LRFN2: variants seen among roughly 807,000 people sequenced by gnomAD.
The protein encoded by LRFN2 is leucine rich repeat and fibronectin type III domain containing 2.
LRFN2 carries 18 observed loss-of-function variants against 37.3 expected under a neutral mutation model. The ratio of observed to expected loss-of-function variants is 0.48; its 90% CI spans 0.33 to 0.72. The LOEUF (loss-of-function observed/expected upper bound fraction) is 0.72. Among genes scored for constraint, LRFN2 ranks in the 30% least tolerant of loss-of-function variants. LRFN2 has a pLI of 0.02. For missense variants in LRFN2, 1,006 were observed against 1,060.7 expected (o/e 0.95, Z 0.72); for synonymous variants, 556 against 466.6 (o/e 1.19, Z -2.47).
rs1262167542 is a variant in LRFN2, at chr6:40,453,765, T to A, written c.-18-20634A>T. Reference sequence around the variant, plus strand: ...GTTTTTAATTTGCTGAGGGCATGTTTTGTGCCCAAGGATCAGTAAGTCACT... The same window carrying A: ...GTTTTTAATTTGCTGAGGGCATGTTATGTGCCCAAGGATCAGTAAGTCACT... On this transcript the variant is annotated intron_variant, in intron 1 of 2. Transcript: ENST00000338305. Among the ~76,000 whole-genome samples, 6 of 152,302 alleles carry A rather than the reference T, an allele frequency of 3.9e-5. No homozygotes were observed. In the South Asian group the frequency reaches 8.3e-4, roughly 21 times the overall value.
At chr6:40,446,587 G>A (rs1280508773) in intron 1 of LRFN2, among the ~76,000 whole-genome samples, 1 of 152,196 alleles carries the variant, frequency 6.6e-6, no homozygotes, top group Non-Finnish European at 1.5e-5. Flanking sequence ...ATCATTAGCG[G>A]CGATATGTAT....
intron 1 of LRFN2, among the ~76,000 whole-genome samples, chr6:40,509,557 G>A (rs773014568): frequency 3.2e-4 from 48 of 151,954 alleles, no homozygotes; most frequent in Non-Finnish European, 4.3e-4. Context: ...ACTGGGCTCC[G>A]CAGGTAAGGG....
chr6:40,462,813 C>T (rs572777300), intron 1 of LRFN2, among the ~76,000 whole-genome samples: 15 of 152,316 alleles, frequency 9.8e-5, no homozygotes, highest in African/African-American at 3.4e-4. Flanking sequence ...TGCACATGTC[C>T]ACTGTTACCT....
chr6:40,538,088 C>A (rs1766485378), intron 1 of LRFN2, among the ~76,000 whole-genome samples: 1 of 152,206 alleles, frequency 6.6e-6, no homozygotes, highest in Non-Finnish European at 1.5e-5. Flanking sequence ...AAGGCAGAGG[C>A]TGCCTCTTCC....
chr6:40,401,103 AC>A (rs1160962673), intron 2 of LRFN2, among the ~76,000 whole-genome samples: 1 of 151,296 alleles, frequency 6.6e-6, no homozygotes, highest in African/African-American at 2.4e-5. Flanking sequence ...AACAGAGTTT[AC>A]CCCCCAGAAA....
chr6:40,509,970 G>C (rs1468543953), intron 1 of LRFN2, among the ~76,000 whole-genome samples: 2 of 150,642 alleles, frequency 1.3e-5, no homozygotes, highest in African/African-American at 4.9e-5. Context: ...ATGCATGTGG[G>C]TATGCCACGG....
At chr6:40,475,781 G>A (rs1382213304) in intron 1 of LRFN2, among the ~76,000 whole-genome samples, 1 of 152,186 alleles carries the variant, frequency 6.6e-6, no homozygotes, top group South Asian at 2.1e-4. Context: ...ATGCTCCTGG[G>A]ATGTGCTGCC....
At chr6:40,399,864 GA>G (rs753749306) in intron 2 of LRFN2, among the ~76,000 whole-genome samples, 3 of 151,784 alleles carry the variant, frequency 2.0e-5, no homozygotes, top group Non-Finnish European at 4.4e-5. Flanking sequence ...TGCACTTTGG[GA>G]AAAGATGATC....
At chr6:40,434,878 A>T (rs1763606324) in intron 1 of LRFN2, among the ~76,000 whole-genome samples, 1 of 151,682 alleles carries the variant, frequency 6.6e-6, no homozygotes, top group South Asian at 2.1e-4. Context: ...TTCTCTCACA[A>T]TAGCTCTGTA....
chr6:40,584,071 A>T (rs888877596), intron 1 of LRFN2, among the ~76,000 whole-genome samples: 2 of 152,198 alleles, frequency 1.3e-5, no homozygotes, highest in African/African-American at 4.8e-5. Flanking sequence ...ATCAATTCTC[A>T]AAGTTTTCTG....
At chr6:40,476,194 A>T (rs570042648) in intron 1 of LRFN2, among the ~76,000 whole-genome samples, 2 of 152,128 alleles carry the variant, frequency 1.3e-5, no homozygotes, top group Admixed American at 6.5e-5. Flanking sequence ...CCATGCCAGA[A>T]CCTGGATTAT....
Position 40,406,349 on chromosome 6 carries a change from G to A in LRFN2, c.1401-13437C>T, listed in dbSNP as rs537848000. Among the ~76,000 whole-genome samples the A allele has an allele frequency of 2.6e-5, 4 of 152,328 alleles. No homozygotes were observed. In the South Asian group the frequency reaches 8.3e-4, roughly 32 times the overall value. On this transcript the variant is annotated intron_variant, in intron 2 of 2. Transcript: ENST00000338305. The stretch of plus-strand genomic sequence containing the variant: ...CTGGATACTGGCTCATGGATCAGGT[G>A]CACAGCCAGCTCTGCAGGCCAGCCG...
At chr6:40,506,644 T>C (rs1765549661) in intron 1 of LRFN2, among the ~76,000 whole-genome samples, 1 of 152,136 alleles carries the variant, frequency 6.6e-6, no homozygotes, top group African/African-American at 2.4e-5. Context: ...AATCAGACTG[T>C]GTGGTGGTTT....
chr6:40,568,106 T>A (rs1165583060), intron 1 of LRFN2, among the ~76,000 whole-genome samples: 1 of 152,200 alleles, frequency 6.6e-6, no homozygotes, highest in Non-Finnish European at 1.5e-5. Flanking sequence ...GGGTTTTACC[T>A]GTGTGAATTG....
At chr6:40,553,410 A>G (rs772273392) in intron 1 of LRFN2, among the ~76,000 whole-genome samples, 1 of 152,230 alleles carries the variant, frequency 6.6e-6, no homozygotes, top group Non-Finnish European at 1.5e-5. Context: ...ACGTCAAAGG[A>G]AAGCTGGATA....
chr6:40,499,031 C>A (rs1406265568), intron 1 of LRFN2, among the ~76,000 whole-genome samples: 4 of 152,202 alleles, frequency 2.6e-5, no homozygotes, highest in African/African-American at 9.6e-5. Context: ...CACACGATTT[C>A]AAACACAAAT....
chr6:40,489,864 G>T (rs1315894155), intron 1 of LRFN2, among the ~76,000 whole-genome samples: 1 of 152,240 alleles, frequency 6.6e-6, no homozygotes, highest in African/African-American at 2.4e-5. Context: ...CTTACCCGCT[G>T]CTGCACTCCG....
intron 1 of LRFN2, among the ~76,000 whole-genome samples, chr6:40,446,340 G>A (rs1384004678): frequency 6.6e-6 from 1 of 152,212 alleles, no homozygotes; most frequent in Non-Finnish European, 1.5e-5. Context: ...AGGCAAAAGT[G>A]GCTAGGGCCC....
rs752457662 is a variant in LRFN2 at position 40,392,961 on chromosome 6, A to G, written c.1401-49T>C. The G allele has an allele frequency of 2.1e-5, 33 of 1,538,346 alleles. No individual in the cohort carries two copies. The highest frequency in any genetic ancestry group is 2.5e-5 in the Non-Finnish European group (29 of 1,137,538). On this transcript the variant is annotated intron_variant, in intron 2 of 2. Transcript: ENST00000338305. The surrounding 1 kb of genome is among the most constrained non-coding windows in gnomAD (Gnocchi z 4.7). ...TAGTGAGGGGTGGTGGGGTGGAAGG[A>G]CAGGGTGATGGGGAGTGGACAGAGG...
Sources: allele counts gnomAD v4.1 joint callset (sites outside exome capture counted in the v4.1 genomes callset), GRCh38; gene constraint gnomAD v4.1.1; non-coding constraint Gnocchi (gnomAD v3.1); transcripts MANE v1.5; gene names NCBI Gene and HGNC (gene_info 2026-07-23, HGNC 2026-07-21).